The following INSYN2B variants were observed in gnomAD, a reference collection of about 807,000 sequenced individuals.
The protein encoded by INSYN2B is protein INSYN2B.
Under a neutral mutation model 41.2 loss-of-function variants are expected in INSYN2B, and 16 were observed. The observed-to-expected ratio is 0.39, with a 90% CI of 0.26 to 0.59. The LOEUF (loss-of-function observed/expected upper bound fraction) is 0.59. Among genes scored for constraint, INSYN2B ranks in the 20% least tolerant of loss-of-function variants. INSYN2B has a pLI of 0.57. For missense variants in INSYN2B, 608 were observed against 646.4 expected (o/e 0.94, Z 0.64); for synonymous variants, 245 against 244.4 (o/e 1.00, Z -0.02).
Position 169,863,988 on chromosome 5 carries a change from T to A in INSYN2B, c.*285A>T, listed in dbSNP as rs261029. 0.78 allele frequency among the ~76,000 whole-genome samples: 119,418 copies of A among 152,132 alleles called. 47,520 individuals are homozygous for A. The highest frequency in any genetic ancestry group is 0.89 in the African/African-American group (36,816 of 41,522). The stretch of plus-strand genomic sequence containing the variant: ...GGTTTTGCTCGTGGTGGGAATCTGG[T>A]CTTAAAACTCAGCATGAGTTCTGGC... On this transcript the variant is annotated 3_prime_UTR_variant, in exon 4 of 4. Coordinates refer to ENST00000377365, the MANE Select transcript of INSYN2B (RefSeq NM_001129891.3).
chr5:169,868,384 C>T (rs953929572), intron 3 of INSYN2B, among the ~76,000 whole-genome samples: 2 of 152,242 alleles, frequency 1.3e-5, no homozygotes, highest in African/African-American at 4.8e-5. Flanking sequence ...TGAAGTGTCT[C>T]TGACTTCATA....
At chr5:169,902,968 CAT>C (rs1774018135) in intron 1 of INSYN2B, among the ~76,000 whole-genome samples, 2 of 152,002 alleles carry the variant, frequency 1.3e-5, no homozygotes, top group Non-Finnish European at 2.9e-5. Context: ...TGTGGTGGCA[CAT>C]GCCTGTAGTC....
intron 1 of INSYN2B, among the ~76,000 whole-genome samples, chr5:169,956,400 T>G (rs145988837): frequency 6.6e-6 from 1 of 152,266 alleles, no homozygotes; most frequent in East Asian, 1.9e-4. Context: ...CTTAAATTCT[T>G]CCCTCCAGTC....
At chr5:169,926,855 T>G (rs1022784390) in intron 1 of INSYN2B, among the ~76,000 whole-genome samples, 1 of 152,126 alleles carries the variant, frequency 6.6e-6, no homozygotes, top group Non-Finnish European at 1.5e-5. Context: ...TGTCCCTCCC[T>G]CTAGGTCTTC....
Position 169,893,323 on chromosome 5 carries a change from A to T in INSYN2B, c.-918-8507T>A, listed in dbSNP as rs190088791. On this transcript the variant is annotated intron_variant, in intron 1 of 3. Coordinates refer to ENST00000377365, the MANE Select transcript of INSYN2B (RefSeq NM_001129891.3). Reference sequence around the variant, plus strand: ...GAAAGCCTTTACTACCACCAGATGCAACTGCTGGCCAATTCATCCAGCTTC... The same window carrying T: ...GAAAGCCTTTACTACCACCAGATGCTACTGCTGGCCAATTCATCCAGCTTC... 3.3e-4 allele frequency among the ~76,000 whole-genome samples: 50 copies of T among 152,282 alleles called. 2 individuals are homozygous for T. In the South Asian group the frequency reaches 9.1e-3, roughly 28 times the overall value.
At chr5:169,958,228 CA>C (rs34936678) in intron 1 of INSYN2B, among the ~76,000 whole-genome samples, 109,718 of 150,354 alleles carry the variant, frequency 0.73, 40,392 homozygotes, top group African/African-American at 0.85. Context: ...CTTTGTTTTG[CA>C]AAAAAAAAAG....
chr5:169,953,487 G>A (rs1213417237), intron 1 of INSYN2B, among the ~76,000 whole-genome samples: 4 of 152,176 alleles, frequency 2.6e-5, no homozygotes, highest in Non-Finnish European at 4.4e-5. Flanking sequence ...ATGAAATGGA[G>A]GTCTTGGGGA....
chr5:169,951,360 C>A (rs1776656753), intron 1 of INSYN2B, among the ~76,000 whole-genome samples: 1 of 152,178 alleles, frequency 6.6e-6, no homozygotes, highest in Non-Finnish European at 1.5e-5. Flanking sequence ...ATTCTTAATG[C>A]TTCCAAATAA....
intron 1 of INSYN2B, among the ~76,000 whole-genome samples, chr5:169,899,897 C>A (rs1773822794): frequency 6.6e-6 from 1 of 152,184 alleles, no homozygotes; most frequent in African/African-American, 2.4e-5. Flanking sequence ...TGCTATCAGG[C>A]ATCTGCCCTA....
Position 169,882,981 on chromosome 5 carries a change from T to C in INSYN2B, c.918A>G (p.Pro306=), listed in dbSNP as rs1334057239. 3 of 1,551,532 alleles carry C rather than the reference T, an allele frequency of 1.9e-6. No individual in the cohort carries two copies. The highest frequency in any genetic ancestry group is 1.2e-5 in the South Asian group (1 of 84,042). The change falls in exon 2 of 4, where the codon CCA becomes CCG. Residue 306 remains proline, a synonymous_variant. Transcript: ENST00000377365. ...QSKETCVPSS[P]RTHSSPSQGS... ...CTTGTGAGGGGGAACTGTGAGTCCG[T>C]GGAGATGAAGGAACACACGTTTCCT...
chr5:169,958,157 A>G (rs1776942413), intron 1 of INSYN2B, among the ~76,000 whole-genome samples: 1 of 152,300 alleles, frequency 6.6e-6, no homozygotes. Context: ...TGTCAACTTG[A>G]TTATCTACCC....
At chr5:169,874,560 GA>G (rs1772201597) in intron 3 of INSYN2B, among the ~76,000 whole-genome samples, 1 of 152,144 alleles carries the variant, frequency 6.6e-6, no homozygotes, top group Non-Finnish European at 1.5e-5. Flanking sequence ...CCCCTATCCT[GA>G]AGTGGGAATG....
At chr5:169,885,128 C>T (rs1023079725) in intron 1 of INSYN2B, among the ~76,000 whole-genome samples, 1 of 152,202 alleles carries the variant, frequency 6.6e-6, no homozygotes, top group African/African-American at 2.4e-5. Flanking sequence ...TACTCACACA[C>T]CCAGTGCCAA....
intron 1 of INSYN2B, among the ~76,000 whole-genome samples, chr5:169,953,109 G>T (rs1486116700): frequency 2.0e-5 from 3 of 152,106 alleles, no homozygotes; most frequent in Non-Finnish European, 2.9e-5. Flanking sequence ...GGATCACAAG[G>T]TCAGGAGTTC....
In INSYN2B at chr5:169,924,251, G is replaced by C. The variant is rs1026794001; in HGVS notation, c.-918-39435C>G. Among the ~76,000 whole-genome samples the C allele has an allele frequency of 3.3e-5, 5 of 152,140 alleles. No individual in the cohort carries two copies. The East Asian group carries it at 9.6e-4, about 29-fold the overall frequency. ...ACACACTAGCTCTGGCCCTGAGCTG[G>C]GAGTAAATGAGGTCAGGCCAAGAGA... On this transcript the variant is annotated intron_variant, in intron 1 of 3. Transcript: ENST00000377365.
At chr5:169,966,662 T>C (rs1413348762) in intron 1 of INSYN2B, among the ~76,000 whole-genome samples, 1 of 152,176 alleles carries the variant, frequency 6.6e-6, no homozygotes, top group East Asian at 1.9e-4. Context: ...AAAGCAATCC[T>C]GGCACACAGG....
chr5:169,971,428 CTTTTTT>C (rs34124700), intron 1 of INSYN2B, among the ~76,000 whole-genome samples: 4 of 135,204 alleles, frequency 3.0e-5, no homozygotes, highest in African/African-American at 2.8e-5. Context: ...CTCCTAGAGC[CTTTTTT>C]TTTTTTTTTT....
At chr5:169,887,990 CA>C (rs1378620389) in intron 1 of INSYN2B, among the ~76,000 whole-genome samples, 4 of 152,140 alleles carry the variant, frequency 2.6e-5, no homozygotes, top group Non-Finnish European at 5.9e-5. Flanking sequence ...TATGAGTGGA[CA>C]TTTTTTCACA....
intron 1 of INSYN2B, among the ~76,000 whole-genome samples, chr5:169,903,311 T>A (rs1019583291): frequency 0.014 from 1,588 of 110,034 alleles, no homozygotes; most frequent in African/African-American, 0.02. Context: ...ACAACAACAA[T>A]AAAAAAAAAA....
Sources: gnomAD v4.1 joint callset for allele counts (sites outside exome capture counted in the v4.1 genomes callset) on GRCh38, gnomAD v4.1.1 for gene constraint, MANE v1.5 for transcripts, NCBI Gene and HGNC (gene_info 2026-07-23, HGNC 2026-07-21) for gene names.